Variants in PDE4D observed in about 807,000 individuals in gnomAD.
The protein encoded by PDE4D is 3',5'-cyclic-AMP phosphodiesterase 4D.
Under a neutral mutation model 87.4 loss-of-function variants are expected in PDE4D, and 24 were observed. The ratio of observed to expected loss-of-function variants is 0.27; its 90% confidence interval spans 0.20 to 0.39. The LOEUF (loss-of-function observed/expected upper bound fraction) is 0.39. PDE4D is among the 10% of genes least tolerant of loss of function. The pLI, the probability that PDE4D is intolerant of heterozygous loss-of-function variation, is 1.00. For missense variants in PDE4D, 714 were observed against 1,041.0 expected, an observed-to-expected ratio of 0.69 and a Z score of 4.32; for synonymous variants, 384 against 383.2, an observed-to-expected ratio of 1.00 and a Z score of -0.02.
chr5:60,423,281 CA>C (rs745603670), intron 1 of PDE4D, among the ~76,000 whole-genome samples: 8 of 152,064 alleles, frequency 5.3e-5, no homozygotes, highest in Non-Finnish European at 1.2e-4. Context: ...TAAAATTGAC[CA>C]CATAATTGGA....
At chr5:60,079,151 T>A (rs1451224481) in intron 2 of PDE4D, among the ~76,000 whole-genome samples, 1 of 152,252 alleles carries the variant, frequency 6.6e-6, no homozygotes, top group Non-Finnish European at 1.5e-5. Context: ...CATTGAGCTT[T>A]TTTCATATGT....
At chr5:60,315,918 C>T (rs112809530) in intron 1 of PDE4D, among the ~76,000 whole-genome samples, 8,929 of 151,922 alleles carry the variant, frequency 0.059, 874 homozygotes, top group African/African-American at 0.21. Flanking sequence ...AGTCAGGTAG[C>T]GTGATGCTTC....
intron 3 of PDE4D, among the ~76,000 whole-genome samples, chr5:59,960,169 T>C (rs1386767760): frequency 6.6e-6 from 1 of 152,072 alleles, no homozygotes; most frequent in Non-Finnish European, 1.5e-5. Flanking sequence ...CCAGTCAGAA[T>C]GGCTACTATA....
intron 1 of PDE4D, among the ~76,000 whole-genome samples, chr5:59,394,210 G>A (rs1044224383): frequency 1.3e-5 from 2 of 152,236 alleles, no homozygotes; most frequent in Non-Finnish European, 2.9e-5. Context: ...CTGTCTCATC[G>A]GCAAGCCTGC....
chr5:59,583,879 T>G (rs1583217240), intron 1 of PDE4D, among the ~76,000 whole-genome samples: 1 of 152,326 alleles, frequency 6.6e-6, no homozygotes, highest in East Asian at 1.9e-4. Context: ...GACCAGCACA[T>G]GCCAAGTCCC....
intron 5 of PDE4D, among the ~76,000 whole-genome samples, chr5:59,160,824 G>A (rs1055018193): frequency 6.6e-6 from 1 of 152,168 alleles, no homozygotes; most frequent in Admixed American, 6.5e-5. Context: ...TTGGCCGGGT[G>A]TGGTGGCTCA....
Position 59,411,318 on chromosome 5 carries a change from G to T in PDE4D, c.456-195350C>A, listed in dbSNP as rs192384790. ...CTCACATCTCTAGTTGTTTCTTCTCGTCACCCTTTATTACTGACACTTTAT... is the reference window on the plus strand; with the variant it reads ...CTCACATCTCTAGTTGTTTCTTCTCTTCACCCTTTATTACTGACACTTTAT... On this transcript the variant is annotated intron_variant, in intron 1 of 14. Transcript: ENST00000340635. 3.5e-3 allele frequency among the ~76,000 whole-genome samples: 533 copies of T among 151,916 alleles called. 1 individual carries two copies. The highest frequency in any genetic ancestry group is 5.2e-3 in the Non-Finnish European group (354 of 67,982).
At chr5:60,410,654 C>T (rs1741969129) in intron 1 of PDE4D, among the ~76,000 whole-genome samples, 1 of 152,180 alleles carries the variant, frequency 6.6e-6, no homozygotes, top group Admixed American at 6.5e-5. Context: ...TCAGCAACCA[C>T]ACAAAGCAGA....
At chr5:59,955,814 C>T (rs1267672217) in intron 3 of PDE4D, among the ~76,000 whole-genome samples, 2 of 152,104 alleles carry the variant, frequency 1.3e-5, no homozygotes, top group Non-Finnish European at 2.9e-5. Flanking sequence ...AATCAGATCT[C>T]CCTTCTCCAT....
chr5:60,073,900 T>C (rs117377763), intron 2 of PDE4D, among the ~76,000 whole-genome samples: 1 of 152,260 alleles, frequency 6.6e-6, no homozygotes, highest in East Asian at 1.9e-4. Flanking sequence ...AAATTGTGTT[T>C]ATTTGGATCT....
At chr5:59,015,266 G>A (rs1580303985) in intron 6 of PDE4D, among the ~76,000 whole-genome samples, 1 of 151,850 alleles carries the variant, frequency 6.6e-6, no homozygotes, top group East Asian at 1.9e-4. Context: ...AGCCAAAATT[G>A]ACAAATGGGA....
intron 3 of PDE4D, among the ~76,000 whole-genome samples, chr5:59,954,879 C>A (rs1253991538): frequency 6.6e-6 from 1 of 152,150 alleles, no homozygotes; most frequent in African/African-American, 2.4e-5. Flanking sequence ...TAATCTAAAT[C>A]TTTGATCAGA....
At chr5:60,491,268 GA>G (rs1206495856), upstream of PDE4D, 1 of 152,158 alleles carries the variant, frequency 6.6e-6, no homozygotes, top group East Asian at 1.9e-4. Context: ...TGATACTAGA[GA>G]TGGGAGTCTG....
chr5:59,121,225 T>C (rs571493104), intron 5 of PDE4D, among the ~76,000 whole-genome samples: 14 of 152,154 alleles, frequency 9.2e-5, no homozygotes, highest in Non-Finnish European at 1.5e-4. Flanking sequence ...AAAATTTCTG[T>C]ATAGCACAGC....
chr5:60,049,983 T>C (rs1488644899), intron 2 of PDE4D, among the ~76,000 whole-genome samples: 2 of 152,162 alleles, frequency 1.3e-5, no homozygotes, highest in Non-Finnish European at 2.9e-5. Context: ...CACCTTGCAG[T>C]TTGATCTCAG....
chr5:59,269,885 A>G (rs979155092), intron 1 of PDE4D, among the ~76,000 whole-genome samples: 4 of 152,132 alleles, frequency 2.6e-5, no homozygotes, highest in African/African-American at 9.6e-5. Context: ...GTCCCATTGA[A>G]ATAAACGTGT....
At chr5:60,240,564 G>T (rs1746983932) in intron 1 of PDE4D, among the ~76,000 whole-genome samples, 1 of 152,096 alleles carries the variant, frequency 6.6e-6, no homozygotes, top group South Asian at 2.1e-4. Flanking sequence ...AGTGGTTACA[G>T]CAGGCCTTGG....
At chr5:59,105,781 C>T (rs933069759) in intron 5 of PDE4D, among the ~76,000 whole-genome samples, 1 of 152,184 alleles carries the variant, frequency 6.6e-6, no homozygotes, top group African/African-American at 2.4e-5. Context: ...TGATTTCTAA[C>T]AAGCACCGAT....
intron 1 of PDE4D, among the ~76,000 whole-genome samples, chr5:59,591,530 T>C (rs1361007534): frequency 2.0e-5 from 3 of 152,108 alleles, no homozygotes; most frequent in African/African-American, 4.8e-5. Flanking sequence ...GTATAATCAA[T>C]AGCTAATGTC....
Sources: gnomAD v4.1 joint callset for allele counts (sites outside exome capture counted in the v4.1 genomes callset) on GRCh38, gnomAD v4.1.1 for gene constraint, MANE v1.5 for transcripts, NCBI Gene and HGNC (gene_info 2026-07-23, HGNC 2026-07-21) for gene names.